ST8SIA1: variants seen among roughly 807,000 people sequenced by gnomAD.
The protein encoded by ST8SIA1 is alpha-N-acetylneuraminide alpha-2,8-sialyltransferase.
Under a neutral mutation model 35.9 loss-of-function variants are expected in ST8SIA1, and 16 were observed. That is an observed-to-expected ratio of 0.45 (90% confidence interval 0.30 to 0.68). The LOEUF is 0.68. Among genes scored for constraint, ST8SIA1 ranks in the 30% least tolerant of loss-of-function variants. ST8SIA1 has a pLI of 0.09. For missense variants in ST8SIA1, 383 were observed against 453.6 expected, an observed-to-expected ratio of 0.84 and a Z score of 1.41; for synonymous variants, 170 against 169.6, an observed-to-expected ratio of 1.00 and a Z score of -0.02.
intron 4 of ST8SIA1, among the ~76,000 whole-genome samples, chr12:22,231,679 T>G (rs1018100931): frequency 2.0e-5 from 3 of 151,998 alleles, no homozygotes; most frequent in African/African-American, 7.2e-5. Context: ...GTTCACGCCA[T>G]TCTCCTGCCT....
chr12:22,197,510 A>G lies in ST8SIA1; in HGVS notation c.*4042T>C, dbSNP rs1865003406. 1 of 152,200 alleles carries G rather than the reference A, an allele frequency of 6.6e-6. No individual in the cohort carries two copies. The highest frequency in any genetic ancestry group is 6.5e-5 in the Admixed American group (1 of 15,276). 9.4% of individuals were successfully genotyped at this position (152,200 alleles called of 1,614,324 possible). On this transcript the variant is annotated 3_prime_UTR_variant, in exon 5 of 5. Transcript: ENST00000396037. ...TCTGGATGGCTGACTTTCTATTAAT[A>G]ATCAAAAAATGTATATAATAAAGTT...
intron 2 of ST8SIA1, among the ~76,000 whole-genome samples, chr12:22,282,573 G>A (rs529501766): frequency 2.3e-4 from 35 of 152,290 alleles, no homozygotes; most frequent in African/African-American, 7.0e-4. Flanking sequence ...CATCAGCTAA[G>A]GAGGTTTGAG....
intron 4 of ST8SIA1, among the ~76,000 whole-genome samples, chr12:22,205,876 A>G (rs555944536): frequency 6.6e-6 from 1 of 152,342 alleles, no homozygotes; most frequent in Non-Finnish European, 1.5e-5. Flanking sequence ...TTTCATTACC[A>G]TGAAGAATAA....
In ST8SIA1 at chr12:22,199,060, GTAAAC is replaced by G. The variant is rs1453677323; in HGVS notation, c.*2487_*2491del. Reference sequence around the variant, plus strand: ...CCACATGAAATAGTTTCACAAGTTTGTAAACTAAACATTATATATAAATCTACTGC... The same window carrying G: ...CCACATGAAATAGTTTCACAAGTTTGTAAACATTATATATAAATCTACTGC... On this transcript the variant is annotated 3_prime_UTR_variant, in exon 5 of 5. Transcript: ENST00000396037. 2 of 151,988 alleles carry G rather than the reference GTAAAC, an allele frequency of 1.3e-5. No homozygotes were observed. Among genetic ancestry groups the G allele is most frequent in the African/African-American group, 4.8e-5 (2 of 41,400 alleles). The allele number at this position is 151,988 out of a possible 1,614,324, so 9.4% of individuals were successfully genotyped here.
At chr12:22,324,228 T>G (rs1311799679) in intron 1 of ST8SIA1, among the ~76,000 whole-genome samples, 4 of 152,180 alleles carry the variant, frequency 2.6e-5, no homozygotes, top group Non-Finnish European at 4.4e-5. Flanking sequence ...GAAGAAATGC[T>G]TGTAGTAGCA....
chr12:22,319,466 ATCT>A (rs1480197088), intron 1 of ST8SIA1, among the ~76,000 whole-genome samples: 3 of 152,210 alleles, frequency 2.0e-5, no homozygotes, highest in African/African-American at 7.2e-5. Context: ...ACGAGGAGCA[ATCT>A]TCTGGCTTCT....
chr12:22,323,423 C>T (rs1866629884), intron 1 of ST8SIA1, among the ~76,000 whole-genome samples: 1 of 152,144 alleles, frequency 6.6e-6, no homozygotes, highest in Non-Finnish European at 1.5e-5. Flanking sequence ...TAAACTAGTT[C>T]AACCATTGTG....
chr12:22,310,480 G>T (rs1442180075), intron 1 of ST8SIA1, among the ~76,000 whole-genome samples: 3 of 152,088 alleles, frequency 2.0e-5, no homozygotes, highest in Admixed American at 1.3e-4. Context: ...TTGTGAGCTG[G>T]GAAAATGCTC....
intron 4 of ST8SIA1, among the ~76,000 whole-genome samples, chr12:22,234,128 TG>T (rs1264186554): frequency 6.6e-6 from 1 of 151,778 alleles, no homozygotes; most frequent in South Asian, 2.1e-4. Flanking sequence ...GGCGTGGTGG[TG>T]GGTGCCTGTA....
rs757768727 is a variant in ST8SIA1 at position 22,201,704 on chromosome 12, T to C, written c.919A>G (p.Ile307Val). Reference sequence around the variant, plus strand: ...ACGTTGTCATAGTAGTGGTGGCTGATGGGCTGCTCATGCATATTCACAGAG... The same window carrying C: ...ACGTTGTCATAGTAGTGGTGGCTGACGGGCTGCTCATGCATATTCACAGAG... Reference protein sequence around the residue: ...PFSVNMHEQPISHHYYDNVLP... With the variant: ...PFSVNMHEQPVSHHYYDNVLP... Residue 307 changes from isoleucine (I) to valine (V), a missense_variant, in exon 5 of 5, where the codon ATC becomes GTC. Coordinates refer to ENST00000396037, the MANE Select transcript of ST8SIA1 (RefSeq NM_003034.4). The C allele has an allele frequency of 2.2e-5, 35 of 1,613,982 alleles. No homozygotes were observed. The highest frequency in any genetic ancestry group is 2.8e-5 in the Non-Finnish European group (33 of 1,179,984).
At chr12:22,226,463 A>G (rs1400347023) in intron 4 of ST8SIA1, among the ~76,000 whole-genome samples, 1 of 151,734 alleles carries the variant, frequency 6.6e-6, no homozygotes, top group Non-Finnish European at 1.5e-5. Flanking sequence ...CTGTGGACCC[A>G]GTCCTGTTTC....
chr12:22,261,129 T>C (rs1865786667), intron 2 of ST8SIA1, among the ~76,000 whole-genome samples: 1 of 151,948 alleles, frequency 6.6e-6, no homozygotes, highest in Admixed American at 6.6e-5. Context: ...ATATTTTTTG[T>C]CATTGGTCCT....
Position 22,287,208 on chromosome 12 carries a change from C to A in ST8SIA1, c.322G>T (p.Asp108Tyr). 1 of 1,614,130 alleles carries A rather than the reference C, an allele frequency of 6.2e-7. No individual in the cohort carries two copies. Among genetic ancestry groups the A allele is most frequent in the Non-Finnish European group, 8.5e-7 (1 of 1,179,996 alleles). ...GTGAATGAGTATAAAAACTCCCCGT[C>A]ATACCACATGCTCTTCCCCATAGGG... ...NSPMGKSMWY[D>Y]GEFLYSFTID... The change falls in exon 2 of 5, where the codon GAC becomes TAC. Residue 108 changes from aspartate to tyrosine, a missense_variant. Asp to Tyr is a radical substitution (Grantham distance 160). Transcript: ENST00000396037.
chr12:22,267,500 T>C (rs1445936686), intron 2 of ST8SIA1, among the ~76,000 whole-genome samples: 1 of 152,186 alleles, frequency 6.6e-6, no homozygotes, highest in Non-Finnish European at 1.5e-5. Flanking sequence ...TTCTTACTGA[T>C]AAAAAGGAAA....
At chr12:22,230,907 T>C (rs1397478583) in intron 4 of ST8SIA1, among the ~76,000 whole-genome samples, 1 of 150,602 alleles carries the variant, frequency 6.6e-6, no homozygotes, top group Non-Finnish European at 1.5e-5. Context: ...CACATTTATC[T>C]TTAATAAACA....
chr12:22,314,367 G>A (rs1339751236), intron 1 of ST8SIA1, among the ~76,000 whole-genome samples: 1 of 150,870 alleles, frequency 6.6e-6, no homozygotes, highest in Non-Finnish European at 1.5e-5. Context: ...CCTCCTCAAC[G>A]TATGCCATCA....
chr12:22,303,231 T>G (rs535368158), intron 1 of ST8SIA1, among the ~76,000 whole-genome samples: 2 of 152,230 alleles, frequency 1.3e-5, no homozygotes, highest in South Asian at 4.2e-4. Flanking sequence ...ATTAGGACAA[T>G]TTGCTGAAGC....
intron 4 of ST8SIA1, among the ~76,000 whole-genome samples, chr12:22,233,975 T>C (rs1218960334): frequency 1.1e-4 from 16 of 152,144 alleles, no homozygotes; most frequent in Admixed American, 1.0e-3. Context: ...TAATATATTA[T>C]TTGGCTGGGT....
intron 1 of ST8SIA1, among the ~76,000 whole-genome samples, chr12:22,289,824 G>A (rs1166810389): frequency 6.6e-6 from 1 of 152,112 alleles, no homozygotes; most frequent in East Asian, 1.9e-4. Flanking sequence ...CTTGCAAATC[G>A]CTTTCATATT....
Sources: gnomAD v4.1 joint callset for allele counts (sites outside exome capture counted in the v4.1 genomes callset) on GRCh38, gnomAD v4.1.1 for gene constraint, MANE v1.5 for transcripts, NCBI Gene and HGNC (gene_info 2026-07-23, HGNC 2026-07-21) for gene names.